SCLT1: variants seen among roughly 807,000 people sequenced by gnomAD.
SCLT1 encodes the protein sodium channel and clathrin linker 1, also known as sodium channel-associated protein 1.
A neutral mutation model predicts 112.8 loss-of-function variants in SCLT1; 78 were observed. The ratio of observed to expected loss-of-function variants is 0.69; its 90% CI spans 0.58 to 0.83. The LOEUF is 0.83. SCLT1 is among the 40% of genes least tolerant of loss of function. The probability of loss-of-function intolerance (pLI) is 0.00; values close to 1 mark genes in which losing one functional copy is unlikely to be tolerated. For synonymous variants in SCLT1, 257 were observed against 254.7 expected (o/e 1.01, Z -0.09); for missense variants, 747 against 770.4 (o/e 0.97, Z 0.36).
chr4:129,002,783 A>G (rs1743628672), intron 6 of SCLT1, among the ~76,000 whole-genome samples: 1 of 152,182 alleles, frequency 6.6e-6, no homozygotes, highest in South Asian at 2.1e-4. Context: ...GTCAGGAAAC[A>G]ACAGGTGCTG....
In SCLT1 at chr4:129,044,008, A is replaced by G; in HGVS notation, c.146T>C (p.Leu49Pro). 6.5e-7 allele frequency: 1 copy of G among 1,535,936 alleles called. No individual in the cohort carries two copies. The highest frequency in any genetic ancestry group is 9.0e-7 in the Non-Finnish European group (1 of 1,115,418). Residue 49 changes from leucine (L) to proline (P), a missense_variant, in exon 3 of 21, where the codon CTA becomes CCA. Physicochemically the swap from Leu to Pro is moderately conservative, Grantham distance 98 (BLOSUM62 -3). Around this residue, in one of 2 missense-constraint regions of SCLT1, gnomAD observed 723 missense variants for 721.3 expected, o/e 1.00. Transcript: ENST00000281142. ...AATACTTTACCTTTGGTCAAATACT[A>G]GGTTTTCAAATGTGTCGTCTCCTTC... ...QGEGDDTFEN[L>P]VFDQSFLAPL...
At chr4:128,925,966 AT>A (rs1736264379) in intron 18 of SCLT1, among the ~76,000 whole-genome samples, 1 of 151,814 alleles carries the variant, frequency 6.6e-6, no homozygotes, top group African/African-American at 2.4e-5. Context: ...ATCACTAAGA[AT>A]ATTTACAATG....
chr4:128,875,299 G>A (rs1208488116), intron 4 of SCLT1: 2 of 152,576 alleles, frequency 1.3e-5, no homozygotes, highest in African/African-American at 2.4e-5. Context: ...TGAATCAGTT[G>A]TTTACTGTCT....
chr4:129,056,421 A>AT (rs1159351492), intron 2 of SCLT1, among the ~76,000 whole-genome samples: 1 of 152,186 alleles, frequency 6.6e-6, no homozygotes, highest in African/African-American at 2.4e-5. Flanking sequence ...TTTATAGTAT[A>AT]TTTTGAAGTC....
chr4:129,032,387 T>C (rs545748913), intron 5 of SCLT1, among the ~76,000 whole-genome samples: 2 of 152,116 alleles, frequency 1.3e-5, no homozygotes, highest in African/African-American at 2.4e-5. Context: ...ATAAAAACCC[T>C]AGAAGAAAAC....
intron 5 of SCLT1, among the ~76,000 whole-genome samples, chr4:129,015,413 G>A (rs558634745): frequency 6.6e-6 from 1 of 152,246 alleles, no homozygotes; most frequent in Admixed American, 6.5e-5. Flanking sequence ...GGCATGGCCA[G>A]GCTGGGGCCC....
chr4:128,942,311 C>G (rs1212340462), intron 17 of SCLT1, among the ~76,000 whole-genome samples: 2 of 151,978 alleles, frequency 1.3e-5, no homozygotes, highest in Non-Finnish European at 2.9e-5. Context: ...GTGACATGAC[C>G]TCTTCATATT....
At chr4:128,898,902 G>T (rs1359782418) in intron 18 of SCLT1, among the ~76,000 whole-genome samples, 3 of 152,126 alleles carry the variant, frequency 2.0e-5, no homozygotes, top group Non-Finnish European at 4.4e-5. Context: ...ACACCTCTAC[G>T]CAAATAAACT....
intron 9 of SCLT1, among the ~76,000 whole-genome samples, chr4:128,989,853 G>A (rs1360859535): frequency 6.6e-6 from 1 of 151,564 alleles, no homozygotes; most frequent in Non-Finnish European, 1.5e-5. Context: ...AAATCTAGAA[G>A]AAATGAATAA....
chr4:129,024,480 C>G (rs930306430), intron 5 of SCLT1, among the ~76,000 whole-genome samples: 3 of 152,336 alleles, frequency 2.0e-5, no homozygotes, highest in Admixed American at 2.0e-4. Flanking sequence ...AGACCTGCCG[C>G]TGAGGGTCCT....
intron 4 of SCLT1, among the ~76,000 whole-genome samples, chr4:128,875,531 A>AAAG (rs1228630803): frequency 1.3e-5 from 2 of 152,370 alleles, no homozygotes; most frequent in East Asian, 3.9e-4. Flanking sequence ...AACTGTATTT[A>AAAG]AAGGCTAAAC....
At chr4:129,088,525 A>C (rs576565297) in intron 1 of SCLT1, among the ~76,000 whole-genome samples, 2 of 152,350 alleles carry the variant, frequency 1.3e-5, no homozygotes, top group South Asian at 4.1e-4. Flanking sequence ...CACTGCAATA[A>C]GGTGAGAAAA....
chr4:128,984,102 T>C (rs1383264261), intron 9 of SCLT1, among the ~76,000 whole-genome samples: 1 of 152,214 alleles, frequency 6.6e-6, no homozygotes, highest in Non-Finnish European at 1.5e-5. Context: ...GGCAAAGTTG[T>C]TCATGGACAA....
chr4:128,959,159 C>CA (rs1003926965), intron 12 of SCLT1, among the ~76,000 whole-genome samples: 3 of 152,094 alleles, frequency 2.0e-5, no homozygotes, highest in Admixed American at 6.5e-5. Flanking sequence ...AGAACAGTGA[C>CA]ATGAAGCCTT....
In SCLT1 at chr4:129,084,663, C is replaced by CA. The variant is rs569193644; in HGVS notation, c.35-2291dup. Among the ~76,000 whole-genome samples the CA allele has an allele frequency of 1.8e-4, 28 of 152,152 alleles. No homozygotes were observed. The East Asian group carries it at 2.9e-3, about 16-fold the overall frequency. On this transcript the variant is annotated intron_variant, in intron 1 of 20. Transcript: ENST00000281142. ...TAACCAAAACAGCATGGTACTGGTG[C>CA]AAAAAACAGACACATAGGCCAATGG...
chr4:129,072,120 C>T (rs951718708), intron 2 of SCLT1, among the ~76,000 whole-genome samples: 4 of 151,996 alleles, frequency 2.6e-5, no homozygotes, highest in East Asian at 1.9e-4. Context: ...TTGTTTTGTC[C>T]GAAGAGGCTG....
rs112999945 is a variant in SCLT1 at position 129,039,933 on chromosome 4, A to C, written c.235-837T>G. ...ACACACACACACACACACACACACA[A>C]AACCCTGAATTTACATGTAAAAGCA... On this transcript the variant is annotated intron_variant, in intron 4 of 20. Transcript: ENST00000281142. 9.7e-4 allele frequency: 440 copies of C among 452,156 alleles called. 1 individual carries two copies. The highest frequency in any genetic ancestry group is 7.9e-3 in the African/African-American group (381 of 48,204). The allele number at this position is 452,156 out of a possible 1,614,324, so 28.0% of individuals were successfully genotyped here.
chr4:128,995,866 T>C (rs1348843348), intron 8 of SCLT1, among the ~76,000 whole-genome samples: 1 of 151,952 alleles, frequency 6.6e-6, no homozygotes, highest in African/African-American at 2.4e-5. Flanking sequence ...TAGGGGAAAG[T>C]TGAGAACTGA....
At chr4:128,918,112 C>CTCT (rs1735607696) in intron 18 of SCLT1, among the ~76,000 whole-genome samples, 1 of 151,974 alleles carries the variant, frequency 6.6e-6, no homozygotes, top group Admixed American at 6.6e-5. Flanking sequence ...TCTCAGGCAC[C>CTCT]CAGAAGAGGC....
Sources: allele counts gnomAD v4.1 joint callset (sites outside exome capture counted in the v4.1 genomes callset), GRCh38; gene constraint gnomAD v4.1.1; regional missense constraint gnomAD v4.1.1; transcripts MANE v1.5; gene names NCBI Gene and HGNC (gene_info 2026-07-23, HGNC 2026-07-21).